Variants in STX5 observed in about 807,000 individuals in gnomAD.
STX5 encodes syntaxin-5.
A neutral mutation model predicts 42.9 loss-of-function variants in STX5; 15 were observed. That is an observed-to-expected ratio of 0.35 (90% confidence interval 0.23 to 0.54). The LOEUF is 0.54. Among genes scored for constraint, STX5 ranks in the 20% least tolerant of loss-of-function variants. The pLI is 0.91. For missense variants in STX5, 430 were observed against 455.0 expected (o/e 0.95, Z 0.50); for synonymous variants, 184 against 173.2 (o/e 1.06, Z -0.49).
intron 10 of STX5, among the ~76,000 whole-genome samples, chr11:62,815,252 C>T (rs1045325360): frequency 4.6e-5 from 7 of 152,026 alleles, no homozygotes; most frequent in African/African-American, 1.2e-4. Context: ...GTGATCCGCC[C>T]GCCTTGGCCT....
chr11:62,817,219 T>C (rs943003007), intron 10 of STX5, among the ~76,000 whole-genome samples: 1 of 152,086 alleles, frequency 6.6e-6, no homozygotes, highest in Non-Finnish European at 1.5e-5. Context: ...AGAGCCACCA[T>C]GGCTAGCTTC....
rs377013242 is a variant in STX5 at position 62,807,334 on chromosome 11, G to A, written c.*135C>T. The A allele has an allele frequency of 2.2e-6, 3 of 1,371,404 alleles. No homozygotes were observed. The highest frequency in any genetic ancestry group is 2.9e-5 in the African/African-American group (2 of 68,324). The allele number at this position is 1,371,404 out of a possible 1,614,324, so 85.0% of individuals were successfully genotyped here. On this transcript the variant is annotated 3_prime_UTR_variant, in exon 11 of 11. Transcript: ENST00000294179. ...GGCAAGGGGTGGGGGATCAGGGGCA[G>A]TGGTCATTCTTAGCAGTTCCAGGGA... is the stretch of plus-strand genomic sequence containing the variant.
At chr11:62,826,407 A>G (rs1336158838) in intron 5 of STX5, among the ~76,000 whole-genome samples, 2 of 149,910 alleles carry the variant, frequency 1.3e-5, no homozygotes, top group African/African-American at 4.9e-5. Context: ...AAAATACAAA[A>G]TTAGCCGGGC....
intron 10 of STX5, among the ~76,000 whole-genome samples, chr11:62,809,841 C>G (rs1024615257): frequency 6.6e-6 from 1 of 151,932 alleles, no homozygotes; most frequent in Non-Finnish European, 1.5e-5. Flanking sequence ...TGGTGGCTCA[C>G]GCCGATAATC....
At chr11:62,825,215 C>G in intron 7 of STX5, 68 bp downstream of exon 7, 2 of 1,606,594 alleles carry the variant, frequency 1.2e-6, no homozygotes, top group African/African-American at 1.3e-5. Context: ...TAGAACTTGT[C>G]CCTTCTTCAT....
chr11:62,814,974 T>C (rs2084657688), intron 10 of STX5, among the ~76,000 whole-genome samples: 1 of 151,966 alleles, frequency 6.6e-6, no homozygotes, highest in African/African-American at 2.4e-5. Flanking sequence ...TATCACATAT[T>C]AGGAAATAGT....
At chr11:62,819,825 T>C (rs1056918029) in intron 10 of STX5, among the ~76,000 whole-genome samples, 3 of 151,426 alleles carry the variant, frequency 2.0e-5, no homozygotes, top group African/African-American at 7.3e-5. Flanking sequence ...TCCTGAGTAG[T>C]TGGGATTACA....
In STX5 at chr11:62,807,643, G is replaced by A. The variant is rs201894380; in HGVS notation, c.909-15C>T. 47 of 1,613,574 alleles carry A rather than the reference G, an allele frequency of 2.9e-5. No individual in the cohort carries two copies. The Admixed American group carries it at 5.7e-4, about 19-fold the overall frequency. On this transcript the variant is annotated splice_polypyrimidine_tract_variant and intron_variant, in intron 10 of 10. Coordinates refer to ENST00000294179, the MANE Select transcript of STX5 (RefSeq NM_003164.5). ...TCTCGTCGATCCTGGGGACAAGGCCGGGAGAAGAGGAAACAAAAGGACACT... is the reference window on the plus strand; with the variant it reads ...TCTCGTCGATCCTGGGGACAAGGCCAGGAGAAGAGGAAACAAAAGGACACT...
At chr11:62,817,299 C>T (rs1010620738) in intron 10 of STX5, among the ~76,000 whole-genome samples, 1 of 152,136 alleles carries the variant, frequency 6.6e-6, no homozygotes, top group South Asian at 2.1e-4. Context: ...CTCAAAGTCA[C>T]CAACAATATC....
At chr11:62,819,015 C>A (rs531517862) in intron 10 of STX5, among the ~76,000 whole-genome samples, 2 of 151,052 alleles carry the variant, frequency 1.3e-5, no homozygotes, top group South Asian at 4.2e-4. Flanking sequence ...GTCAGGAGAT[C>A]GAGACCATCC....
At chr11:62,818,866 A>G (rs1198614982) in intron 10 of STX5, among the ~76,000 whole-genome samples, 1 of 150,846 alleles carries the variant, frequency 6.6e-6, no homozygotes, top group African/African-American at 2.4e-5. Flanking sequence ...ATAAAAAGTT[A>G]AAAAAAAGAA....
intron 10 of STX5, among the ~76,000 whole-genome samples, chr11:62,823,187 T>C (rs954581736): frequency 1.2e-4 from 18 of 151,948 alleles, no homozygotes; most frequent in Non-Finnish European, 2.4e-4. Flanking sequence ...TTTCTTTTTT[T>C]TTTTTGAGAT....
intron 2 of STX5, 96 bp downstream of exon 2, chr11:62,830,923 A>AC (rs1230065108): frequency 4.4e-6 from 5 of 1,139,128 alleles, no homozygotes; most frequent in Admixed American, 2.0e-5. Flanking sequence ...TCCATCAGGT[A>AC]CCCCCCAAAA....
intron 10 of STX5, chr11:62,807,962 C>T: frequency 4.0e-6 from 1 of 250,938 alleles, no homozygotes; most frequent in Non-Finnish European, 7.8e-6. Context: ...ACAAGAGCCC[C>T]GAAAATGTTA....
At chr11:62,819,396 GGA>G (rs958905912) in intron 10 of STX5, among the ~76,000 whole-genome samples, 1 of 151,588 alleles carries the variant, frequency 6.6e-6, no homozygotes, top group African/African-American at 2.4e-5. Context: ...CAGGATAAAG[GGA>G]AGAGATACCA....
intron 10 of STX5, among the ~76,000 whole-genome samples, chr11:62,821,935 A>G (rs1258584790): frequency 6.6e-6 from 1 of 152,184 alleles, no homozygotes; most frequent in Non-Finnish European, 1.5e-5. Context: ...CTGAGGCAGG[A>G]GAATCACTTG....
intron 10 of STX5, among the ~76,000 whole-genome samples, chr11:62,808,600 A>G (rs1231964022): frequency 6.6e-6 from 1 of 152,106 alleles, no homozygotes; most frequent in African/African-American, 2.4e-5. Context: ...AAAAATAATA[A>G]TAAATAAGTA....
In STX5 at chr11:62,807,483, C is replaced by A. The variant is rs771489130; in HGVS notation, c.1054G>T (p.Val352Phe). ...ILIVFFIIFV[V>F]FLA is the part of the protein sequence containing the mutation. ...GTAGAGAGGGTTCAAGCAAGGAAGA[C>A]CACAAAGATGATGAAGAAGACAATG... Residue 352 changes from valine (V) to phenylalanine (F), a missense_variant, in exon 11 of 11, where the codon GTC becomes TTC. By Grantham distance (50) the Val-to-Phe change is conservative. Transcript: ENST00000294179. 10 of 1,613,784 alleles carry A rather than the reference C, an allele frequency of 6.2e-6. No individual in the cohort carries two copies. The highest frequency in any genetic ancestry group is 1.3e-5 in the African/African-American group (1 of 74,900).
Position 62,824,503 on chromosome 11 carries a change from T to A in STX5, c.742A>T (p.Met248Leu). 1 of 1,614,128 alleles carries A rather than the reference T, an allele frequency of 6.2e-7. No individual in the cohort carries two copies. The highest frequency in any genetic ancestry group is 2.2e-5 in the East Asian group (1 of 44,878). The change falls in exon 9 of 11, where the codon ATG becomes TTG. Residue 248 changes from methionine to leucine, a missense_variant. Physicochemically the swap from Met to Leu is conservative, Grantham distance 15. Coordinates refer to ENST00000294179, the MANE Select transcript of STX5 (RefSeq NM_003164.5). ...HASKDVAIDMMDSRTSQQLQL... is the reference protein window; with the variant it reads ...HASKDVAIDMLDSRTSQQLQL... ...AGCTGCTGGCTGGTCCGAGAGTCCA[T>A]CATGTCGATGGCGACATCCTTGGAG...
Sources: gnomAD v4.1 joint callset for allele counts (sites outside exome capture counted in the v4.1 genomes callset) on GRCh38, gnomAD v4.1.1 for gene constraint, MANE v1.5 for transcripts, NCBI Gene and HGNC (gene_info 2026-07-23, HGNC 2026-07-21) for gene names.